The following PIANP variants were observed in gnomAD, a reference collection of about 807,000 sequenced individuals.
PIANP encodes the protein PILR alpha-associated neural protein.
A neutral mutation model predicts 28.9 loss-of-function variants in PIANP; 14 were observed. The observed-to-expected ratio is 0.49, with a 90% confidence interval of 0.32 to 0.76. PIANP has a LOEUF of 0.76. Ranked by LOEUF, PIANP falls within the 30% of genes least tolerant of loss-of-function variation. The pLI is 0.03. For synonymous variants in PIANP, 149 were observed against 156.6 expected, an observed-to-expected ratio of 0.95 and a Z score of 0.36; for missense variants, 322 against 371.8, an observed-to-expected ratio of 0.87 and a Z score of 1.10.
chr12:6,699,629 G>C (rs1227981385), intron 1 of PIANP, among the ~76,000 whole-genome samples: 2 of 151,156 alleles, frequency 1.3e-5, no homozygotes, highest in African/African-American at 4.9e-5. Context: ...AGGAGAGAGC[G>C]GTCCAGGCAG....
rs1030554635 is a variant in PIANP at position 6,700,672 on chromosome 12, G to A, written c.-102C>T. On this transcript the variant is annotated 5_prime_UTR_variant, in exon 1 of 5. Coordinates refer to ENST00000534837, the MANE Select transcript of PIANP (RefSeq NM_001244014.2). The surrounding 1 kb of genome is among the most constrained non-coding windows in gnomAD (Gnocchi z 5.5). Reference sequence around the variant, plus strand: ...GGCGCTCGGGACTGAGCGGGGCTGGGGGGTCGCAGGAGCGGGCGGGGTGCG... The same window carrying A: ...GGCGCTCGGGACTGAGCGGGGCTGGAGGGTCGCAGGAGCGGGCGGGGTGCG... 6.6e-6 allele frequency: 1 copy of A among 152,328 alleles called. No homozygotes were observed. The highest frequency in any genetic ancestry group is 6.6e-5 in the Admixed American group (1 of 15,236). The allele number at this position is 152,328 out of a possible 1,614,324, so 9.4% of individuals were successfully genotyped here.
In PIANP at chr12:6,697,412, G is replaced by A. The variant is rs759784185; in HGVS notation, c.398C>T (p.Ala133Val). ...ANPGFLDYGF[A>V]APHGLATPHP... Reference sequence around the variant, plus strand: ...TGGGGTTGCGAGCCCATGAGGGGCTGCAAAACCATAGTCCAGAAATCCGGG... The same window carrying A: ...TGGGGTTGCGAGCCCATGAGGGGCTACAAAACCATAGTCCAGAAATCCGGG... The change falls in exon 3 of 5, where the codon GCA becomes GTA. Residue 133 changes from alanine (A) to valine (V), a missense_variant. Transcript: ENST00000534837. The surrounding 1 kb of genome is among the most constrained non-coding windows in gnomAD (Gnocchi z 6.9). The A allele has an allele frequency of 8.7e-6, 14 of 1,613,924 alleles. No homozygotes were observed. In the East Asian group the frequency reaches 2.7e-4, roughly 31 times the overall value.
rs1309129927 is a variant in PIANP, at chr12:6,695,096, G to A, written c.*330C>T. The A allele has an allele frequency of 3.2e-6, 5 of 1,564,758 alleles. No homozygotes were observed. The highest frequency in any genetic ancestry group is 2.4e-5 in the South Asian group (2 of 84,648). On this transcript the variant is annotated 3_prime_UTR_variant, in exon 5 of 5. Coordinates refer to ENST00000534837, the MANE Select transcript of PIANP (RefSeq NM_001244014.2). This position sits in a 1 kb window ranked among gnomAD's most constrained non-coding sequence, Gnocchi z 4.2. ...GGAAAGGGCACAGTCAGGAACCAAG[G>A]GGTAGGCCAGAATAGAAGGGGAAGT...
chr12:6,696,352 G>C lies in PIANP; in HGVS notation c.605+91C>G. On this transcript the variant is annotated intron_variant, in intron 4 of 4. Transcript: ENST00000534837. The surrounding 1 kb of genome is among the most constrained non-coding windows in gnomAD (Gnocchi z 4.0). ...TCCAGCATTTCCCACCCACCCCCCAGCAAAATTGCTGCCACTGCCCCTCGT... is the reference window on the plus strand; with the variant it reads ...TCCAGCATTTCCCACCCACCCCCCACCAAAATTGCTGCCACTGCCCCTCGT... 3.4e-5 allele frequency: 30 copies of C among 869,642 alleles called. No individual in the cohort carries two copies. Among genetic ancestry groups the C allele is most frequent in the Non-Finnish European group, 4.5e-5 (27 of 594,584 alleles). 53.9% of individuals were successfully genotyped at this position (869,642 alleles called of 1,614,324 possible).
In PIANP at chr12:6,696,887, C is replaced by T. The variant is rs1424680837; in HGVS notation, c.524-363G>A. On this transcript the variant is annotated intron_variant, in intron 3 of 4. Transcript: ENST00000534837. The surrounding 1 kb of genome is among the most constrained non-coding windows in gnomAD (Gnocchi z 4.0). ...CAGGCCCTGTTCCTCCATCAGCACT[C>T]CCTGAGCCAAGACATCTCCCGGGTA... 1.3e-5 allele frequency among the ~76,000 whole-genome samples: 2 copies of T among 152,170 alleles called. No homozygotes were observed. The highest frequency in any genetic ancestry group is 2.9e-5 in the Non-Finnish European group (2 of 68,016).
rs989357811 is a variant in PIANP at position 6,700,031 on chromosome 12, A to C, written c.-44+583T>G. The C allele has an allele frequency of 1.3e-5, 2 of 151,972 alleles. No individual in the cohort carries two copies. The highest frequency in any genetic ancestry group is 1.3e-4 in the Admixed American group (2 of 15,266). 9.4% of individuals were successfully genotyped at this position (151,972 alleles called of 1,614,324 possible). A position where few individuals can be genotyped will look rare whatever the true frequency, so the allele number is the denominator to read the frequency against. ...TGCATCCCCACCCCCAGCCAGCGCC[A>C]ACCCAGTCCCTGGGCCCCGCACAGC... On this transcript the variant is annotated intron_variant, in intron 1 of 4. Coordinates refer to ENST00000534837, the MANE Select transcript of PIANP (RefSeq NM_001244014.2). The surrounding 1 kb of genome is among the most constrained non-coding windows in gnomAD (Gnocchi z 5.5).
Position 6,695,648 on chromosome 12 carries a change from C to T in PIANP, c.609G>A (p.Trp203Ter). Reference sequence around the variant, plus strand: ...GTCTGCGTCGCTTCTGGCTGCGGTCCCAGCTGGGGTACCAGAGGAAAAGAG... The same window carrying T: ...GTCTGCGTCGCTTCTGGCTGCGGTCTCAGCTGGGGTACCAGAGGAAAAGAG... ...VATGIIFKFC[W>*]DRSQKRRRPS... is the part of the protein sequence containing the mutation. The change falls in exon 5 of 5, where the codon TGG becomes TGA. Residue 203 changes from tryptophan to a stop codon, truncating the protein, a stop_gained. Transcript: ENST00000534837. LOFTEE classifies it high-confidence loss of function. The surrounding 1 kb of genome is among the most constrained non-coding windows in gnomAD (Gnocchi z 4.2). 6.6e-7 allele frequency: 1 copy of T among 1,510,058 alleles called. No homozygotes were observed. The highest frequency in any genetic ancestry group is 2.5e-5 in the East Asian group (1 of 40,334). The allele number at this position is 1,510,058 out of a possible 1,614,324, so 93.5% of individuals were successfully genotyped here. A position where few individuals can be genotyped will look rare whatever the true frequency, so the allele number is the denominator to read the frequency against.
chr12:6,697,382 G>C lies in PIANP; in HGVS notation c.428C>G (p.Pro143Arg), dbSNP rs778731361. The change falls in exon 3 of 5, where the codon CCC becomes CGC. Residue 143 changes from proline (P) to arginine (R), a missense_variant. Transcript: ENST00000534837. This position sits in a 1 kb window ranked among gnomAD's most constrained non-coding sequence, Gnocchi z 6.9. Reference protein sequence around the residue: ...AAPHGLATPHPNSDSMRGDGD... With the variant: ...AAPHGLATPHRNSDSMRGDGD... ...ATCACCTCGCATGGAGTCTGAGTTG[G>C]GGTGTGGGGTTGCGAGCCCATGAGG... 3.1e-6 allele frequency: 5 copies of C among 1,613,974 alleles called. No individual in the cohort carries two copies. The Admixed American group carries it at 8.3e-5, about 27-fold the overall frequency.
chr12:6,696,931 A>G lies in PIANP; in HGVS notation c.523+356T>C, dbSNP rs1245248912. On this transcript the variant is annotated intron_variant, in intron 3 of 4. Coordinates refer to ENST00000534837, the MANE Select transcript of PIANP (RefSeq NM_001244014.2). This position sits in a 1 kb window ranked among gnomAD's most constrained non-coding sequence, Gnocchi z 4.0. Reference sequence around the variant, plus strand: ...CCGGGTAGTGCCCTTCATTCATGGCATTCTCTGCCCAGAATACTCCCACTC... The same window carrying G: ...CCGGGTAGTGCCCTTCATTCATGGCGTTCTCTGCCCAGAATACTCCCACTC... Among the ~76,000 whole-genome samples, 2 of 152,080 alleles carry G rather than the reference A, an allele frequency of 1.3e-5. No homozygotes were observed. Among genetic ancestry groups the G allele is most frequent in the East Asian group, 1.9e-4 (1 of 5,184 alleles).
At position 6,694,916 on chromosome 12, in the gene PIANP, A is replaced by G. The variant is rs1592447048; in HGVS notation, c.*510T>C. The G allele has an allele frequency of 8.0e-7, 1 of 1,247,914 alleles. No homozygotes were observed. The highest frequency in any genetic ancestry group is 1.1e-6 in the Non-Finnish European group (1 of 923,204). 77.3% of individuals were successfully genotyped at this position (1,247,914 alleles called of 1,614,324 possible). A position where few individuals can be genotyped will look rare whatever the true frequency, so the allele number is the denominator to read the frequency against. ...TGGGGAGTGTTCCGGGTGGTGTGCA[A>G]GGGGCAGGAGCCAGGAGCCCCTGTG... On this transcript the variant is annotated 3_prime_UTR_variant, in exon 5 of 5. Transcript: ENST00000534837. This position sits in a 1 kb window ranked among gnomAD's most constrained non-coding sequence, Gnocchi z 6.1.
Position 6,695,712 on chromosome 12 carries a change from G to A in PIANP, c.606-61C>T. On this transcript the variant is annotated intron_variant, in intron 4 of 4. Coordinates refer to ENST00000534837, the MANE Select transcript of PIANP (RefSeq NM_001244014.2). This position sits in a 1 kb window ranked among gnomAD's most constrained non-coding sequence, Gnocchi z 4.2. ...CTCAAGTAGCCCCCATCCTGGGCCT[G>A]CACCAGTGGTCACCCCCAGCCTCGC... 2 of 1,394,840 alleles carry A rather than the reference G, an allele frequency of 1.4e-6. No individual in the cohort carries two copies. Among genetic ancestry groups the A allele is most frequent in the Non-Finnish European group, 9.4e-7 (1 of 1,068,956 alleles). 86.4% of individuals were successfully genotyped at this position (1,394,840 alleles called of 1,614,324 possible).
chr12:6,698,452 C>A (rs1959945226), intron 1 of PIANP: 2 of 292,852 alleles, frequency 6.8e-6, no homozygotes, highest in Non-Finnish European at 1.3e-5. Context: ...TCCTTGAGCA[C>A]CTACCGCTAG....
rs1356804308 is a variant in PIANP, at chr12:6,696,480, T to A, written c.568A>T (p.Ile190Phe). 6.2e-7 allele frequency: 1 copy of A among 1,602,406 alleles called. No homozygotes were observed. The highest frequency in any genetic ancestry group is 1.7e-5 in the Admixed American group (1 of 58,490). ...LYVTITISII[I>F]VLVATGIIFK... Reference sequence around the variant, plus strand: ...ATGATGCCAGTGGCCACGAGAACAATGATGATGGAGATGGTAATTGTGACA... The same window carrying A: ...ATGATGCCAGTGGCCACGAGAACAAAGATGATGGAGATGGTAATTGTGACA... The change falls in exon 4 of 5, where the codon ATT (isoleucine) becomes TTT (phenylalanine). Residue 190 changes from isoleucine (I) to phenylalanine (F), a missense_variant. Coordinates refer to ENST00000534837, the MANE Select transcript of PIANP (RefSeq NM_001244014.2). The surrounding 1 kb of genome is among the most constrained non-coding windows in gnomAD (Gnocchi z 4.0).
Position 6,696,304 on chromosome 12 carries a change from C to G in PIANP, c.605+139G>C. On this transcript the variant is annotated intron_variant, in intron 4 of 4. Transcript: ENST00000534837. This position sits in a 1 kb window ranked among gnomAD's most constrained non-coding sequence, Gnocchi z 4.0. The stretch of plus-strand genomic sequence containing the variant: ...TTCCCCCAGCCAAATCCTTAATTAT[C>G]TTTTCCCAAGGTCTTGCCTTCATCC... 1 of 590,340 alleles carries G rather than the reference C, an allele frequency of 1.7e-6. No individual in the cohort carries two copies. Among genetic ancestry groups the G allele is most frequent in the South Asian group, 2.6e-5 (1 of 37,990 alleles). The allele number at this position is 590,340 out of a possible 1,614,324, so 36.6% of individuals were successfully genotyped here.
rs370638218 is a variant in PIANP at position 6,696,406 on chromosome 12, G to A, written c.605+37C>T. The stretch of plus-strand genomic sequence containing the variant: ...TAGAGCCTCGACTGCCAAACATTCC[G>A]TCCCCATCCACCAGCACCTTCCTCC... On this transcript the variant is annotated intron_variant, in intron 4 of 4. Transcript: ENST00000534837. The surrounding 1 kb of genome is among the most constrained non-coding windows in gnomAD (Gnocchi z 4.0). The A allele has an allele frequency of 1.2e-4, 178 of 1,501,888 alleles. 1 individual carries two copies. Among genetic ancestry groups the A allele is most frequent in the South Asian group, 2.6e-4 (20 of 77,376 alleles). 93.0% of individuals were successfully genotyped at this position (1,501,888 alleles called of 1,614,324 possible).
downstream of PIANP, among the ~76,000 whole-genome samples, chr12:6,692,981 TG>T (rs1200439558): frequency 1.3e-5 from 2 of 151,890 alleles, no homozygotes; most frequent in Non-Finnish European, 2.9e-5. Context: ...CTATCCTCCC[TG>T]GGGCCACCGC....
chr12:6,699,132 T>A (rs1959971183), intron 1 of PIANP, among the ~76,000 whole-genome samples: 1 of 152,040 alleles, frequency 6.6e-6, no homozygotes, highest in South Asian at 2.1e-4. Context: ...CAATCCCAGC[T>A]ATTCAGAGGG....
At position 6,700,381 on chromosome 12, in the gene PIANP, CGAG is replaced by C. The variant is rs1434971679; in HGVS notation, c.-44+230_-44+232del. On this transcript the variant is annotated intron_variant, in intron 1 of 4. Coordinates refer to ENST00000534837, the MANE Select transcript of PIANP (RefSeq NM_001244014.2). The surrounding 1 kb of genome is among the most constrained non-coding windows in gnomAD (Gnocchi z 5.5). ...GACTGCGCGGAGCCGCCCGCCGAGC[CGAG>C]GCGGGATGGAGGCAGCCGCGGGGAC... 1 of 152,148 alleles carries C rather than the reference CGAG, an allele frequency of 6.6e-6. No individual in the cohort carries two copies. Among genetic ancestry groups the C allele is most frequent in the African/African-American group, 2.4e-5 (1 of 41,362 alleles). 9.4% of individuals were successfully genotyped at this position (152,148 alleles called of 1,614,324 possible). A position where few individuals can be genotyped will look rare whatever the true frequency, so the allele number is the denominator to read the frequency against.
chr12:6,700,805 C>CGGCTCGGCTCGGCTG lies in PIANP; in HGVS notation c.-236_-235insCAGCCGAGCCGAGCC, dbSNP rs1960035399. ...GGGAGATGCTCGCCTCGGCTCGGCTCGGCTCGGCTCGGCTGGGCTCGGCGC... is the reference window on the plus strand; with the variant it reads ...GGGAGATGCTCGCCTCGGCTCGGCTCGGCTCGGCTCGGCTGGGCTCGGCTCGGCTGGGCTCGGCGC... On this transcript the variant is annotated 5_prime_UTR_variant, in exon 1 of 5. Coordinates refer to ENST00000534837, the MANE Select transcript of PIANP (RefSeq NM_001244014.2). The surrounding 1 kb of genome is among the most constrained non-coding windows in gnomAD (Gnocchi z 5.5). The CGGCTCGGCTCGGCTG allele has an allele frequency of 6.6e-6, 1 of 152,084 alleles. No individual in the cohort carries two copies. 9.4% of individuals were successfully genotyped at this position (152,084 alleles called of 1,614,324 possible).
Sources: gnomAD v4.1 joint callset for allele counts (sites outside exome capture counted in the v4.1 genomes callset) on GRCh38, gnomAD v4.1.1 for gene constraint, Gnocchi (gnomAD v3.1) non-coding constraint, MANE v1.5 for transcripts, NCBI Gene and HGNC (gene_info 2026-07-23, HGNC 2026-07-21) for gene names.